The following FBXL17 variants were observed in gnomAD, a reference collection of about 807,000 sequenced individuals.
The protein encoded by FBXL17 is F-box/LRR-repeat protein 17.
FBXL17 carries 22 observed loss-of-function variants against 66.2 expected under a neutral mutation model. That is an observed-to-expected ratio of 0.33 (90% confidence interval 0.24 to 0.47). The LOEUF (loss-of-function observed/expected upper bound fraction) is 0.47. Ranked by LOEUF, FBXL17 falls within the 20% of genes least tolerant of loss-of-function variation. FBXL17 has a pLI of 1.00. For missense variants in FBXL17, 878 were observed against 948.2 expected, an observed-to-expected ratio of 0.93 and a Z score of 0.97; for synonymous variants, 474 against 400.5, an observed-to-expected ratio of 1.18 and a Z score of -2.19.
intron 5 of FBXL17, among the ~76,000 whole-genome samples, chr5:108,222,273 T>C (rs1279166991): frequency 6.6e-6 from 1 of 152,142 alleles, no homozygotes; most frequent in Non-Finnish European, 1.5e-5. Flanking sequence ...CAAGTAATCA[T>C]AAAAAGCCCA....
intron 7 of FBXL17, among the ~76,000 whole-genome samples, chr5:107,984,672 C>T (rs1387064134): frequency 6.6e-6 from 1 of 152,152 alleles, no homozygotes; most frequent in Non-Finnish European, 1.5e-5. Flanking sequence ...GCTATCATGC[C>T]ATCTAAATTC....
chr5:107,893,956 G>A (rs1749288813), intron 7 of FBXL17, among the ~76,000 whole-genome samples: 1 of 152,168 alleles, frequency 6.6e-6, no homozygotes, highest in Non-Finnish European at 1.5e-5. Flanking sequence ...CAACGAGGAA[G>A]GAAGGGAATT....
At chr5:108,163,006 A>G (rs926043140) in intron 6 of FBXL17, among the ~76,000 whole-genome samples, 1 of 152,212 alleles carries the variant, frequency 6.6e-6, no homozygotes, top group Non-Finnish European at 1.5e-5. Context: ...TTTAAAAAAT[A>G]CAAATTGTAC....
At chr5:108,326,380 G>T (rs983100550) in intron 4 of FBXL17, among the ~76,000 whole-genome samples, 1 of 151,910 alleles carries the variant, frequency 6.6e-6, no homozygotes, top group African/African-American at 2.4e-5. Context: ...ATAACCTGAG[G>T]CAAGAAGTTC....
intron 6 of FBXL17, among the ~76,000 whole-genome samples, chr5:108,063,562 A>G (rs964764048): frequency 5.3e-5 from 8 of 152,180 alleles, no homozygotes; most frequent in African/African-American, 1.7e-4. Flanking sequence ...AAGAAACCCA[A>G]TCTATGAACT....
intron 6 of FBXL17, among the ~76,000 whole-genome samples, chr5:108,055,880 T>A (rs1030451498): frequency 2.6e-5 from 4 of 152,050 alleles, no homozygotes; most frequent in Non-Finnish European, 5.9e-5. Flanking sequence ...AGTCCTCATG[T>A]CATTTTTAGC....
intron 7 of FBXL17, among the ~76,000 whole-genome samples, chr5:107,941,228 T>C (rs955556407): frequency 2.0e-5 from 3 of 152,108 alleles, no homozygotes; most frequent in Admixed American, 6.6e-5. Context: ...AACTAGATGA[T>C]GATGCAACAT....
At chr5:108,207,846 G>T (rs891046981) in intron 5 of FBXL17, among the ~76,000 whole-genome samples, 3 of 152,146 alleles carry the variant, frequency 2.0e-5, no homozygotes, top group Non-Finnish European at 2.9e-5. Context: ...CCAGTAATGG[G>T]ATTGCTGGGT....
chr5:107,920,936 A>G (rs1750298736), intron 7 of FBXL17, among the ~76,000 whole-genome samples: 1 of 152,168 alleles, frequency 6.6e-6, no homozygotes, highest in East Asian at 1.9e-4. Flanking sequence ...TGTCAGGACC[A>G]TGGTTTACAA....
chr5:107,931,257 A>ATTTATTTTTTTTTTTTTTTTTT (rs375733903), intron 7 of FBXL17, among the ~76,000 whole-genome samples: 1 of 113,750 alleles, frequency 8.8e-6, no homozygotes. Flanking sequence ...GTTAAAGAGA[A>ATTTATTTTTTTTTTTTTTTTTT]TTTTTTTTTT....
intron 6 of FBXL17, among the ~76,000 whole-genome samples, chr5:108,105,660 T>C (rs535293905): frequency 6.6e-6 from 1 of 152,346 alleles, no homozygotes; most frequent in African/African-American, 2.4e-5. Flanking sequence ...ACTTCATTTA[T>C]TATCCTAGAC....
chr5:108,062,655 G>A (rs1384114807), intron 6 of FBXL17, among the ~76,000 whole-genome samples: 2 of 151,996 alleles, frequency 1.3e-5, no homozygotes, highest in Non-Finnish European at 1.5e-5. Context: ...GAATTTAAAC[G>A]CTAAAGCAAT....
At chr5:108,219,877 CTTCTT>C (rs1353742156) in intron 5 of FBXL17, among the ~76,000 whole-genome samples, 1 of 131,172 alleles carries the variant, frequency 7.6e-6, no homozygotes, top group African/African-American at 2.8e-5. Context: ...AATTTCCTCT[CTTCTT>C]TTTGCTTTCC....
intron 7 of FBXL17, among the ~76,000 whole-genome samples, chr5:107,988,326 A>G (rs1309840148): frequency 1.3e-5 from 2 of 151,904 alleles, no homozygotes; most frequent in Non-Finnish European, 2.9e-5. Flanking sequence ...CTGGGAACTT[A>G]CTGGTCAACA....
chr5:107,861,910 G>A (rs571384892), intron 8 of FBXL17, 50 bp from the exon 9 acceptor site: 92 of 1,418,462 alleles, frequency 6.5e-5, no homozygotes, highest in Non-Finnish European at 8.3e-5. Flanking sequence ...CCAACACCAC[G>A]CCGCTGCCCA....
chr5:108,281,377 G>C (rs1757695464), intron 4 of FBXL17, among the ~76,000 whole-genome samples: 1 of 151,794 alleles, frequency 6.6e-6, no homozygotes, highest in African/African-American at 2.4e-5. Flanking sequence ...TCAATACCAA[G>C]AGGGACTCTG....
chr5:107,906,425 A>C (rs1293995687), intron 7 of FBXL17, among the ~76,000 whole-genome samples: 1 of 152,190 alleles, frequency 6.6e-6, no homozygotes, highest in Non-Finnish European at 1.5e-5. Flanking sequence ...ACAGTTTTTG[A>C]ATATTTACTT....
intron 7 of FBXL17, among the ~76,000 whole-genome samples, chr5:107,956,826 A>G (rs950894383): frequency 6.6e-6 from 1 of 152,180 alleles, no homozygotes; most frequent in African/African-American, 2.4e-5. Context: ...TCATAAAATT[A>G]ATTTTCAGTG....
At chr5:108,104,792 G>T (rs541479356) in intron 6 of FBXL17, among the ~76,000 whole-genome samples, 5 of 152,192 alleles carry the variant, frequency 3.3e-5, no homozygotes, top group Non-Finnish European at 5.9e-5. Flanking sequence ...AAGACTGGAA[G>T]GTTACACATA....
Sources: allele counts gnomAD v4.1 joint callset (sites outside exome capture counted in the v4.1 genomes callset), GRCh38; gene constraint gnomAD v4.1.1; transcripts MANE v1.5; gene names NCBI Gene and HGNC (gene_info 2026-07-23, HGNC 2026-07-21).